Variants in MICU2 observed in about 807,000 individuals in gnomAD.
MICU2 encodes the protein calcium uptake protein 2, mitochondrial.
Under a neutral mutation model 60.4 loss-of-function variants are expected in MICU2, and 64 were observed. The observed-to-expected ratio is 1.06, with a 90% CI of 0.87 to 1.31. The LOEUF (loss-of-function observed/expected upper bound fraction) is 1.31. MICU2 is among the 50% of genes most tolerant of loss of function. The pLI is 0.00. For synonymous variants in MICU2, 201 were observed against 175.0 expected (o/e 1.15, Z -1.17); for missense variants, 569 against 531.0 (o/e 1.07, Z -0.70).
intron 2 of MICU2, among the ~76,000 whole-genome samples, chr13:21,545,629 C>T (rs1409640119): frequency 6.6e-6 from 1 of 151,196 alleles, no homozygotes; most frequent in African/African-American, 2.4e-5. Context: ...TGCTGTGAGC[C>T]GAGACCACAC....
Position 21,556,099 on chromosome 13 carries a change from G to A in MICU2, c.358+10698C>T, listed in dbSNP as rs76290492. ...TTTCTCTTTATGGCAAGCCACTCTG[G>A]AGTCTTTTGTTTTTCCCCCATTTTT... On this transcript the variant is annotated intron_variant, in intron 2 of 11. Transcript: ENST00000382374. Among the ~76,000 whole-genome samples the A allele has an allele frequency of 3.9e-3, 590 of 152,086 alleles. 10 individuals carry two copies. The highest frequency in any genetic ancestry group is 0.013 in the African/African-American group (548 of 41,486).
At chr13:21,506,325 G>A (rs1474579034) in intron 8 of MICU2, among the ~76,000 whole-genome samples, 1 of 152,152 alleles carries the variant, frequency 6.6e-6, no homozygotes, top group Non-Finnish European at 1.5e-5. Context: ...TCCAGACTCC[G>A]TTGTTAATTG....
chr13:21,513,910 G>A lies in MICU2; in HGVS notation c.663+443C>T, dbSNP rs149294256. On this transcript the variant is annotated intron_variant, in intron 7 of 11. Transcript: ENST00000382374. Reference sequence around the variant, plus strand: ...CTTATATATACATAAAATCTCTCTGGAAGAATACACAAGAAACTAAAAGTA... The same window carrying A: ...CTTATATATACATAAAATCTCTCTGAAAGAATACACAAGAAACTAAAAGTA... Among the ~76,000 whole-genome samples, 95 of 151,820 alleles carry A rather than the reference G, an allele frequency of 6.3e-4. No individual in the cohort carries two copies. In the East Asian group the frequency reaches 0.012, roughly 19 times the overall value.
chr13:21,513,856 A>G (rs138671427), intron 7 of MICU2, among the ~76,000 whole-genome samples: 69 of 151,896 alleles, frequency 4.5e-4, no homozygotes, highest in Non-Finnish European at 8.1e-4. Context: ...AATAATATAG[A>G]TATATCTATT....
chr13:21,516,822 T>G (rs1886582137), intron 6 of MICU2, among the ~76,000 whole-genome samples: 1 of 152,216 alleles, frequency 6.6e-6, no homozygotes, highest in South Asian at 2.1e-4. Context: ...ATGATAAAAC[T>G]ATAATGCTAC....
intron 2 of MICU2, among the ~76,000 whole-genome samples, chr13:21,548,472 A>G (rs1887465896): frequency 6.6e-6 from 1 of 152,182 alleles, no homozygotes; most frequent in Non-Finnish European, 1.5e-5. Flanking sequence ...AAAATTTTAG[A>G]CCTTTAATTG....
intron 2 of MICU2, among the ~76,000 whole-genome samples, chr13:21,552,166 G>T (rs1488303385): frequency 1.3e-5 from 2 of 152,146 alleles, no homozygotes; most frequent in Non-Finnish European, 2.9e-5. Flanking sequence ...GTTTTCATTT[G>T]CATTTCTCTG....
In MICU2 at chr13:21,566,884, T is replaced by C; in HGVS notation, c.271A>G (p.Met91Val). ...GKPSLRKQRF[M>V]QFSSLEHEGE... Reference sequence around the variant, plus strand: ...TCATGTTCGAGTGAAGAAAACTGCATGAAGCGCTGCTTACGAAGAGACGGT... The same window carrying C: ...TCATGTTCGAGTGAAGAAAACTGCACGAAGCGCTGCTTACGAAGAGACGGT... Residue 91 changes from methionine (M) to valine (V), a missense_variant, in exon 2 of 12, where the codon ATG becomes GTG. By Grantham distance (21) the Met-to-Val change is conservative. Transcript: ENST00000382374. 1 of 1,613,172 alleles carries C rather than the reference T, an allele frequency of 6.2e-7. No homozygotes were observed. The highest frequency in any genetic ancestry group is 1.1e-5 in the South Asian group (1 of 90,922).
chr13:21,560,903 C>T (rs2761913), intron 2 of MICU2, among the ~76,000 whole-genome samples: 52,630 of 152,014 alleles, frequency 0.35, 9,485 homozygotes, highest in South Asian at 0.41. Flanking sequence ...CTGACTGGTC[C>T]TGTAAGGTTT....
At position 21,530,684 on chromosome 13, in the gene MICU2, G is replaced by A. The variant is rs562242228; in HGVS notation, c.467-8034C>T. On this transcript the variant is annotated intron_variant, in intron 4 of 11. Coordinates refer to ENST00000382374, the MANE Select transcript of MICU2 (RefSeq NM_152726.3). ...AAAATAAAAATAAAAATAAGTTACT[G>A]GGGTGGCCACTGAGGGGGTCGGGGA... 6.8e-5 allele frequency: 25 copies of A among 366,260 alleles called. No homozygotes were observed. In the Middle Eastern group the frequency reaches 2.3e-3, roughly 33 times the overall value. The allele number at this position is 366,260 out of a possible 1,614,324, so 22.7% of individuals were successfully genotyped here.
At chr13:21,587,993 T>C (rs1888494970) in intron 1 of MICU2, among the ~76,000 whole-genome samples, 1 of 152,164 alleles carries the variant, frequency 6.6e-6, no homozygotes, top group African/African-American at 2.4e-5. Flanking sequence ...CAACTTAAAT[T>C]TTATTAAGTA....
At chr13:21,517,783 ACACACACACACACACACGCGCG>A (rs1213841600) in intron 6 of MICU2, among the ~76,000 whole-genome samples, 1 of 93,236 alleles carries the variant, frequency 1.1e-5, no homozygotes, top group Non-Finnish European at 2.4e-5. Flanking sequence ...ACACACACAC[ACACACACACACACACACGCGCG>A]CGCGCGCGCA....
intron 2 of MICU2, among the ~76,000 whole-genome samples, chr13:21,558,449 T>C (rs1887762420): frequency 6.6e-6 from 1 of 152,222 alleles, no homozygotes; most frequent in Non-Finnish European, 1.5e-5. Context: ...GCCTACAGTT[T>C]AGCCTGTTAT....
At chr13:21,566,098 A>T (rs976235965) in intron 2 of MICU2, among the ~76,000 whole-genome samples, 4 of 152,102 alleles carry the variant, frequency 2.6e-5, no homozygotes, top group Non-Finnish European at 5.9e-5. Context: ...ATCATCCCTC[A>T]ATGTTTATAA....
intron 2 of MICU2, among the ~76,000 whole-genome samples, chr13:21,545,760 G>A (rs1887402128): frequency 6.6e-6 from 1 of 152,094 alleles, no homozygotes; most frequent in African/African-American, 2.4e-5. Flanking sequence ...GAGAGGGATA[G>A]GAAGAGATTT....
At chr13:21,520,613 C>G (rs1211237524) in intron 6 of MICU2, among the ~76,000 whole-genome samples, 1 of 151,804 alleles carries the variant, frequency 6.6e-6, no homozygotes, top group Non-Finnish European at 1.5e-5. Flanking sequence ...AAACACTTAA[C>G]CCTAACTGGC....
In MICU2 at chr13:21,590,411, C is replaced by T. The variant is rs1287121949; in HGVS notation, c.210+13528G>A. On this transcript the variant is annotated intron_variant, in intron 1 of 11. Transcript: ENST00000382374. ...CAAATGATGAGTGATTTCATTACCA[C>T]CAGGCCTGCCCTGCAAGAGCTCCTA... Among the ~76,000 whole-genome samples, 4 of 152,216 alleles carry T rather than the reference C, an allele frequency of 2.6e-5. No homozygotes were observed. The East Asian group carries it at 5.8e-4, about 22-fold the overall frequency.
intron 1 of MICU2, among the ~76,000 whole-genome samples, chr13:21,598,532 A>G (rs1266060373): frequency 6.6e-6 from 1 of 152,076 alleles, no homozygotes; most frequent in Non-Finnish European, 1.5e-5. Context: ...CCTGACCAAT[A>G]TGGTGAAACC....
intron 2 of MICU2, among the ~76,000 whole-genome samples, chr13:21,559,013 A>C (rs772390076): frequency 6.6e-6 from 1 of 152,214 alleles, no homozygotes. Context: ...TCCATTCAAC[A>C]AACTGGGACA....
Sources: allele counts gnomAD v4.1 joint callset (sites outside exome capture counted in the v4.1 genomes callset), GRCh38; gene constraint gnomAD v4.1.1; transcripts MANE v1.5; gene names NCBI Gene and HGNC (gene_info 2026-07-23, HGNC 2026-07-21).